The following MTERF3 variants were observed in gnomAD, a reference collection of about 807,000 sequenced individuals.
MTERF3 encodes mitochondrial transcription termination factor 3.
Under a neutral mutation model 40.5 loss-of-function variants are expected in MTERF3, and 40 were observed. The observed-to-expected ratio is 0.99, with a 90% CI of 0.77 to 1.29. MTERF3 has a LOEUF of 1.29. Among genes scored for constraint, MTERF3 ranks in the 50% most tolerant of loss-of-function variants. The pLI is 0.00. For synonymous variants in MTERF3, 158 were observed against 166.6 expected, an observed-to-expected ratio of 0.95 and a Z score of 0.40; for missense variants, 452 against 478.2, an observed-to-expected ratio of 0.95 and a Z score of 0.51.
intron 4 of MTERF3, 84 bp downstream of exon 4, chr8:96,250,822 G>A: frequency 7.7e-7 from 1 of 1,305,368 alleles, no homozygotes; most frequent in Non-Finnish European, 1.1e-6. Context: ...CCCTTGTGCA[G>A]CAGAGATTTA....
chr8:96,250,402 A>C (rs1247426469), intron 4 of MTERF3, among the ~76,000 whole-genome samples: 1 of 149,692 alleles, frequency 6.7e-6, no homozygotes, highest in East Asian at 2.0e-4. Context: ...CTCAGTAATA[A>C]GTTGAAAACA....
Position 96,258,339 on chromosome 8 carries a change from C to T in MTERF3, c.334+18G>A. On this transcript the variant is annotated intron_variant, in intron 2 of 7. Transcript: ENST00000287025. ...CCAAAGTAGGGAAAGGGAGACTTTT[C>T]TGAAAGTTCAGAATTACCTTCTAGA... 1 of 1,581,900 alleles carries T rather than the reference C, an allele frequency of 6.3e-7. No homozygotes were observed. Among genetic ancestry groups the T allele is most frequent in the Non-Finnish European group, 8.6e-7 (1 of 1,159,316 alleles).
At chr8:96,253,284 C>T (rs1197970934) in intron 3 of MTERF3, among the ~76,000 whole-genome samples, 1 of 152,104 alleles carries the variant, frequency 6.6e-6, no homozygotes. Flanking sequence ...AATGTTACCA[C>T]GGCGCAGAGG....
intron 7 of MTERF3, 48 bp downstream of exon 7, chr8:96,243,871 A>G (rs1268606976): frequency 6.3e-7 from 1 of 1,581,054 alleles, no homozygotes; most frequent in African/African-American, 1.4e-5. Flanking sequence ...GCAGCTCCAA[A>G]TGAAGCGCAA....
In MTERF3 at chr8:96,239,939, T is replaced by C; in HGVS notation, c.1060-254A>G. On this transcript the variant is annotated intron_variant, in intron 7 of 7. Transcript: ENST00000287025. Reference sequence around the variant, plus strand: ...ACTGTGTGCAAAGAAGATTGAGTGCTCCAGAGACAGAGGAGAATGTGTTAA... The same window carrying C: ...ACTGTGTGCAAAGAAGATTGAGTGCCCCAGAGACAGAGGAGAATGTGTTAA... The C allele has an allele frequency of 5.4e-5, 35 of 642,812 alleles. 1 individual carries two copies. The South Asian group carries it at 6.1e-4, about 11-fold the overall frequency. 39.8% of individuals were successfully genotyped at this position (642,812 alleles called of 1,614,324 possible). A position where few individuals can be genotyped will look rare whatever the true frequency, so the allele number is the denominator to read the frequency against.
At chr8:96,244,589 T>A (rs538449021) in intron 6 of MTERF3, among the ~76,000 whole-genome samples, 1 of 148,960 alleles carries the variant, frequency 6.7e-6, no homozygotes, top group Non-Finnish European at 1.5e-5. Flanking sequence ...TTAGTAGAGA[T>A]GAGGTTTCAC....
intron 7 of MTERF3, among the ~76,000 whole-genome samples, chr8:96,240,073 C>G (rs1438904687): frequency 2.0e-5 from 3 of 152,140 alleles, no homozygotes; most frequent in Non-Finnish European, 2.9e-5. Flanking sequence ...CATGGCAAAA[C>G]CCTGTCTCTA....
chr8:96,243,082 A>G (rs964377353), intron 7 of MTERF3, among the ~76,000 whole-genome samples: 1 of 152,252 alleles, frequency 6.6e-6, no homozygotes, highest in African/African-American at 2.4e-5. Context: ...TAATAGGCAA[A>G]TAAATATAGC....
At chr8:96,255,790 A>C (rs1810268461) in intron 3 of MTERF3, among the ~76,000 whole-genome samples, 1 of 152,226 alleles carries the variant, frequency 6.6e-6, no homozygotes, top group African/African-American at 2.4e-5. Context: ...AAACGAGATT[A>C]TATCCCCACA....
chr8:96,255,826 G>C (rs1010100483), intron 3 of MTERF3, among the ~76,000 whole-genome samples: 1 of 152,166 alleles, frequency 6.6e-6, no homozygotes, highest in Admixed American at 6.5e-5. Flanking sequence ...GAAAACAGAT[G>C]AAAGCATGGC....
intron 2 of MTERF3, 130 bp downstream of exon 2, chr8:96,258,227 G>C (rs1300317667): frequency 7.1e-7 from 1 of 1,401,832 alleles, no homozygotes; most frequent in Non-Finnish European, 9.3e-7. Flanking sequence ...TTCATCAATA[G>C]AACTGGTATT....
rs1038923862 is a variant in MTERF3 at position 96,242,133 on chromosome 8, T to C, written c.1059+1786A>G. On this transcript the variant is annotated intron_variant, in intron 7 of 7. Coordinates refer to ENST00000287025, the MANE Select transcript of MTERF3 (RefSeq NM_015942.5). ...AAACACCAGCCAAAAATGTAAAGTC[T>C]ATATCAGCCCATTCACAGCCTTACT... Among the ~76,000 whole-genome samples, 4 of 152,356 alleles carry C rather than the reference T, an allele frequency of 2.6e-5. No individual in the cohort carries two copies. In the South Asian group the frequency reaches 8.3e-4, roughly 32 times the overall value.
chr8:96,252,047 G>C (rs1810195646), intron 3 of MTERF3, among the ~76,000 whole-genome samples: 1 of 152,168 alleles, frequency 6.6e-6, no homozygotes, highest in Non-Finnish European at 1.5e-5. Context: ...TTAAAAAGGG[G>C]GGTTTCCAGG....
In MTERF3 at chr8:96,257,095, T is replaced by C. The variant is rs751670909; in HGVS notation, c.354A>G (p.Pro118=). Residue 118 remains proline (P), a synonymous_variant, in exon 3 of 8, where the codon CCA becomes CCG. Coordinates refer to ENST00000287025, the MANE Select transcript of MTERF3 (RefSeq NM_015942.5). ...CTGAAATTGGCTGCATTGGAGACAATGGAGGCAATTCATCCAGTTCTTTGA... is the reference window on the plus strand; with the variant it reads ...CTGAAATTGGCTGCATTGGAGACAACGGAGGCAATTCATCCAGTTCTTTGA... The part of the protein sequence containing the change: ...LFLEELDELP[P]LSPMQPISEE... The C allele has an allele frequency of 5.6e-6, 9 of 1,612,304 alleles. No homozygotes were observed. Among genetic ancestry groups the C allele is most frequent in the East Asian group, 2.2e-5 (1 of 44,808 alleles).
chr8:96,257,155 C>T (rs1810296181), intron 2 of MTERF3, 41 bp from the exon 3 acceptor site: 3 of 1,556,638 alleles, frequency 1.9e-6, no homozygotes, highest in Non-Finnish European at 1.7e-6. Context: ...AATATGCACA[C>T]TTAAAACTAT....
At chr8:96,258,320 T>A (rs374506589) in intron 2 of MTERF3, 37 bp downstream of exon 2, 1 of 1,548,666 alleles carries the variant, frequency 6.5e-7, no homozygotes, top group Non-Finnish European at 8.8e-7. Flanking sequence ...ATGGCCAAAG[T>A]AGGGAAAGGG....
At chr8:96,250,614 GCA>G (rs1810131619) in intron 4 of MTERF3, among the ~76,000 whole-genome samples, 1 of 46,442 alleles carries the variant, frequency 2.2e-5, no homozygotes, top group Non-Finnish European at 4.4e-5. Flanking sequence ...GGAGGCTGAG[GCA>G]GAAGAAGAAG....
At chr8:96,247,003 C>T (rs1810034161) in intron 4 of MTERF3, among the ~76,000 whole-genome samples, 1 of 152,094 alleles carries the variant, frequency 6.6e-6, no homozygotes. Context: ...GGAAGAGTCC[C>T]GCTCTGTTGC....
intron 7 of MTERF3, among the ~76,000 whole-genome samples, chr8:96,242,746 A>G (rs1809951986): frequency 6.6e-6 from 1 of 152,192 alleles, no homozygotes; most frequent in African/African-American, 2.4e-5. Context: ...GGACTCTACC[A>G]TCATATAAAG....
Sources: allele counts gnomAD v4.1 joint callset (sites outside exome capture counted in the v4.1 genomes callset), GRCh38; gene constraint gnomAD v4.1.1; transcripts MANE v1.5; gene names NCBI Gene and HGNC (gene_info 2026-07-23, HGNC 2026-07-21).